SGSM2: variants seen among roughly 807,000 people sequenced by gnomAD.
SGSM2 encodes the protein small G protein signaling modulator 2.
In SGSM2, 89 loss-of-function variants were observed where a neutral mutation model predicts 126.6. The ratio of observed to expected loss-of-function variants is 0.70; its 90% confidence interval spans 0.59 to 0.84. SGSM2 has a LOEUF of 0.84. Among genes scored for constraint, SGSM2 ranks in the 40% least tolerant of loss-of-function variants. The pLI is 0.00. For synonymous variants in SGSM2, 614 were observed against 574.3 expected (o/e 1.07, Z -0.99); for missense variants, 1,404 against 1,416.6 (o/e 0.99, Z 0.14).
intron 2 of SGSM2, among the ~76,000 whole-genome samples, chr17:2,345,184 C>G (rs371784894): frequency 6.6e-6 from 1 of 152,134 alleles, no homozygotes; most frequent in Admixed American, 6.5e-5. Context: ...AATTCTCGGC[C>G]GGGCACAGTG....
At chr17:2,378,170 G>A (rs566804637) in intron 22 of SGSM2, among the ~76,000 whole-genome samples, 20 of 152,200 alleles carry the variant, frequency 1.3e-4, no homozygotes, top group Admixed American at 2.6e-4. Context: ...AGTGGCTCAC[G>A]CCTGTAAACC....
chr17:2,376,346 C>T, intron 19 of SGSM2, 85 bp downstream of exon 19: 7 of 1,550,442 alleles, frequency 4.5e-6, no homozygotes, highest in East Asian at 2.3e-5. Context: ...AGGTGCCCTG[C>T]TCCTCTCTCC....
intron 1 of SGSM2, among the ~76,000 whole-genome samples, chr17:2,341,968 G>A (rs746029476): frequency 5.3e-5 from 8 of 152,100 alleles, no homozygotes; most frequent in Admixed American, 1.3e-4. Flanking sequence ...TTCACACCAC[G>A]GAGAGTGAAC....
Position 2,364,904 on chromosome 17 carries a change from T to C in SGSM2, c.1008T>C (p.Gly336=), listed in dbSNP as rs752407545. The C allele has an allele frequency of 6.2e-7, 1 of 1,609,708 alleles. No homozygotes were observed. Residue 336 remains glycine, a synonymous_variant, in exon 10 of 24, where the codon GGT becomes GGC. Transcript: ENST00000268989. ...VCIHCHQQKS[G]GTLVLVSQDG... Reference sequence around the variant, plus strand: ...CTCCACGTTCACCCCCAGAGAGCGGTGGCACGCTTGTGCTGGTGAGCCAGG... The same window carrying C: ...CTCCACGTTCACCCCCAGAGAGCGGCGGCACGCTTGTGCTGGTGAGCCAGG...
rs192070557 is a variant in SGSM2, at chr17:2,377,252, G to A, written c.2802+184G>A. 396 of 555,276 alleles carry A rather than the reference G, an allele frequency of 7.1e-4. 4 individuals carry two copies. Among genetic ancestry groups the A allele is most frequent in the African/African-American group, 6.4e-3 (338 of 52,676 alleles). 34.4% of individuals were successfully genotyped at this position (555,276 alleles called of 1,614,324 possible). On this transcript the variant is annotated intron_variant, in intron 21 of 23. Transcript: ENST00000268989. ...TGTCATCCCAGCAATTTAGGAGGCC[G>A]AGGCAGGCGGATCACGAAGTCAGGA...
chr17:2,372,542 G>GC lies in SGSM2; in HGVS notation c.1788+54_1788+55insC. 2 of 1,579,164 alleles carry GC rather than the reference G, an allele frequency of 1.3e-6. No homozygotes were observed. Among genetic ancestry groups the GC allele is most frequent in the Non-Finnish European group, 1.7e-6 (2 of 1,167,308 alleles). On this transcript the variant is annotated intron_variant, in intron 15 of 23. Coordinates refer to ENST00000268989, the MANE Select transcript of SGSM2 (RefSeq NM_014853.3). The surrounding 1 kb of genome is among the most constrained non-coding windows in gnomAD (Gnocchi z 6.0). ...GGTCGAGGGGCTGGGGCGGGCAGGA[G>GC]TGAGGGCTTCAGGGTAAAATGTGCC... is the stretch of plus-strand genomic sequence containing the variant.
chr17:2,343,563 G>A lies in SGSM2; in HGVS notation c.76G>A (p.Glu26Lys). 6.2e-7 allele frequency: 1 copy of A among 1,614,188 alleles called. No homozygotes were observed. Among genetic ancestry groups the A allele is most frequent in the Non-Finnish European group, 8.5e-7 (1 of 1,180,020 alleles). ...TCCGCAGGTGAAGCAAATCATGGAG[G>A]AGGCTGTCACCAGGAAGTTTGTGCA... is the stretch of plus-strand genomic sequence containing the variant. Reference protein sequence around the residue: ...VKKEVKQIMEEAVTRKFVHED... With the variant: ...VKKEVKQIMEKAVTRKFVHED... The change falls in exon 2 of 24, where the codon GAG becomes AAG. Residue 26 changes from glutamate to lysine, a missense_variant. By Grantham distance (56) the Glu-to-Lys change is moderately conservative. Coordinates refer to ENST00000268989, the MANE Select transcript of SGSM2 (RefSeq NM_014853.3).
chr17:2,348,631 C>T (rs574671663), intron 2 of SGSM2, among the ~76,000 whole-genome samples: 9 of 152,220 alleles, frequency 5.9e-5, no homozygotes, highest in Non-Finnish European at 8.8e-5. Flanking sequence ...AGTGTGTAGC[C>T]GTGCTTACTC....
chr17:2,350,702 G>A (rs2064807338), intron 2 of SGSM2, among the ~76,000 whole-genome samples: 1 of 152,142 alleles, frequency 6.6e-6, no homozygotes, highest in Admixed American at 6.5e-5. Context: ...TGACCTCAGA[G>A]ACAAGTCCAA....
chr17:2,365,401 CGCAGCGTCACCCAGGAGG>C lies in SGSM2; in HGVS notation c.1288+66_1288+83del, dbSNP rs1229979786. 6.8e-6 allele frequency: 10 copies of C among 1,473,434 alleles called. No individual in the cohort carries two copies. The African/African-American group carries it at 1.3e-4, about 19-fold the overall frequency. 91.3% of individuals were successfully genotyped at this position (1,473,434 alleles called of 1,614,324 possible). Reference sequence around the variant, plus strand: ...GGAAGACGCTCTGGGAGGCGGGGAGCGCAGCGTCACCCAGGAGGGCAGCAGGCAGGGCCCACTGACCAG... The same window carrying C: ...GGAAGACGCTCTGGGAGGCGGGGAGCGCAGCAGGCAGGGCCCACTGACCAG... On this transcript the variant is annotated intron_variant, in intron 11 of 23. Transcript: ENST00000268989.
intron 17 of SGSM2, chr17:2,373,881 G>C (rs1208175439): frequency 1.9e-5 from 4 of 207,570 alleles, no homozygotes; most frequent in African/African-American, 9.2e-5. Context: ...CTCTGGGCAA[G>C]CACTTCCCGT....
Position 2,375,828 on chromosome 17 carries a change from C to G in SGSM2, c.2437C>G (p.Leu813Val), listed in dbSNP as rs765711090. The G allele has an allele frequency of 1.9e-6, 3 of 1,546,318 alleles. No individual in the cohort carries two copies. The highest frequency in any genetic ancestry group is 2.6e-6 in the Non-Finnish European group (3 of 1,148,718). Residue 813 changes from leucine (L) to valine (V), a missense_variant, in exon 18 of 24, where the codon CTG becomes GTG. Coordinates refer to ENST00000268989, the MANE Select transcript of SGSM2 (RefSeq NM_014853.3). Reference sequence around the variant, plus strand: ...CCAGGAGAAGCCTCAGGCCGGAGAACTGGAGGCCGGAGAGGAGCTTGCGGC... The same window carrying G: ...CCAGGAGAAGCCTCAGGCCGGAGAAGTGGAGGCCGGAGAGGAGCTTGCGGC... ...PSQEKPQAGE[L>V]EAGEELAAVC... is the part of the protein sequence containing the mutation.
At position 2,379,019 on chromosome 17, in the gene SGSM2, C is replaced by T. The variant is rs771218642; in HGVS notation, c.2900-17C>T. The T allele has an allele frequency of 2.5e-6, 4 of 1,609,262 alleles. No homozygotes were observed. The highest frequency in any genetic ancestry group is 1.1e-5 in the South Asian group (1 of 90,692). On this transcript the variant is annotated splice_polypyrimidine_tract_variant and intron_variant, in intron 22 of 23. Transcript: ENST00000268989. The stretch of plus-strand genomic sequence containing the variant: ...TGCGGCTAGGACGGGTGAGCAGCAG[C>T]CGCTTACTCTCCGCAGAACTGCTGT...
rs1318640740 is a variant in SGSM2, at chr17:2,363,177, C to A, written c.672+43C>A. The A allele has an allele frequency of 1.9e-6, 3 of 1,551,536 alleles. No individual in the cohort carries two copies. The highest frequency in any genetic ancestry group is 2.7e-5 in the African/African-American group (2 of 73,338). On this transcript the variant is annotated intron_variant, in intron 6 of 23. Coordinates refer to ENST00000268989, the MANE Select transcript of SGSM2 (RefSeq NM_014853.3). This position sits in a 1 kb window ranked among gnomAD's most constrained non-coding sequence, Gnocchi z 4.2. ...ACCCTTTGGGCTCATCTGGGCTATGCCCATGGGCCTGTAGGGACGGGAAAC... is the reference window on the plus strand; with the variant it reads ...ACCCTTTGGGCTCATCTGGGCTATGACCATGGGCCTGTAGGGACGGGAAAC...
chr17:2,358,383 A>G (rs2447110), intron 2 of SGSM2, among the ~76,000 whole-genome samples: 82,817 of 151,852 alleles, frequency 0.55, 23,137 homozygotes, highest in East Asian at 0.75. Flanking sequence ...TGTATGTTTC[A>G]ATTAGTGACA....
At chr17:2,357,886 C>A (rs2065146548) in intron 2 of SGSM2, among the ~76,000 whole-genome samples, 1 of 152,226 alleles carries the variant, frequency 6.6e-6, no homozygotes. Flanking sequence ...AATTAGTCCA[C>A]ATTTTTTCTC....
chr17:2,373,423 C>T lies in SGSM2; in HGVS notation c.2010C>T (p.His670=), dbSNP rs758279309. Residue 670 remains histidine, a synonymous_variant, in exon 17 of 24, where the codon CAC becomes CAT. Transcript: ENST00000268989. The part of the protein sequence containing the change: ...VVVRQREREA[H]PATRTKFSSG... Reference sequence around the variant, plus strand: ...TGAGGCAGCGGGAGCGGGAGGCCCACCCAGCCACACGCACCAAGTTCTCCT... The same window carrying T: ...TGAGGCAGCGGGAGCGGGAGGCCCATCCAGCCACACGCACCAAGTTCTCCT... 4 of 1,611,736 alleles carry T rather than the reference C, an allele frequency of 2.5e-6. No homozygotes were observed. The highest frequency in any genetic ancestry group is 2.2e-5 in the South Asian group (2 of 91,070).
In SGSM2 at chr17:2,363,931, C is replaced by G; in HGVS notation, c.808-128C>G. 1 of 1,157,138 alleles carries G rather than the reference C, an allele frequency of 8.6e-7. No homozygotes were observed. Among genetic ancestry groups the G allele is most frequent in the Non-Finnish European group, 1.3e-6 (1 of 796,916 alleles). 71.7% of individuals were successfully genotyped at this position (1,157,138 alleles called of 1,614,324 possible). On this transcript the variant is annotated intron_variant, in intron 7 of 23. Coordinates refer to ENST00000268989, the MANE Select transcript of SGSM2 (RefSeq NM_014853.3). This position sits in a 1 kb window ranked among gnomAD's most constrained non-coding sequence, Gnocchi z 4.2. ...GTTTTCCTGTGCTTCTGCCCCGTCCCTAGTCCAGGACCCCGTGACTAGCCT... is the reference window on the plus strand; with the variant it reads ...GTTTTCCTGTGCTTCTGCCCCGTCCGTAGTCCAGGACCCCGTGACTAGCCT...
At chr17:2,349,542 A>G (rs369804871) in intron 2 of SGSM2, among the ~76,000 whole-genome samples, 10 of 152,224 alleles carry the variant, frequency 6.6e-5, no homozygotes, top group African/African-American at 2.2e-4. Context: ...ATTGTTACCA[A>G]TTTTGTCAGT....
Sources: gnomAD v4.1 joint callset for allele counts (sites outside exome capture counted in the v4.1 genomes callset) on GRCh38, gnomAD v4.1.1 for gene constraint, Gnocchi (gnomAD v3.1) non-coding constraint, MANE v1.5 for transcripts, NCBI Gene and HGNC (gene_info 2026-07-23, HGNC 2026-07-21) for gene names.